CCPG1: variants seen among roughly 807,000 people sequenced by gnomAD.
The protein encoded by CCPG1 is cell cycle progression protein 1.
CCPG1 carries 46 observed loss-of-function variants against 81.3 expected under a neutral mutation model. The observed-to-expected ratio is 0.57, with a 90% CI of 0.45 to 0.72. The LOEUF (loss-of-function observed/expected upper bound fraction) is 0.72. CCPG1 is among the 30% of genes least tolerant of loss of function. The pLI is 0.00. For missense variants in CCPG1, 902 were observed against 937.6 expected, an observed-to-expected ratio of 0.96 and a Z score of 0.50; for synonymous variants, 330 against 305.2, an observed-to-expected ratio of 1.08 and a Z score of -0.85.
chr15:55,375,207 G>A (rs1443821079), intron 5 of CCPG1, among the ~76,000 whole-genome samples: 2 of 152,174 alleles, frequency 1.3e-5, no homozygotes, highest in Non-Finnish European at 2.9e-5. Flanking sequence ...AAGTTAATAT[G>A]TAATTTCTTT....
At position 55,372,229 on chromosome 15, in the gene CCPG1, A is replaced by G. The variant is rs565905342; in HGVS notation, c.455-185T>C. 2.0e-5 allele frequency: 12 copies of G among 599,672 alleles called. No individual in the cohort carries two copies. In the Admixed American group the frequency reaches 3.6e-4, roughly 18 times the overall value. The allele number at this position is 599,672 out of a possible 1,614,324, so 37.1% of individuals were successfully genotyped here. On this transcript the variant is annotated intron_variant, in intron 5 of 8. Transcript: ENST00000442196. ...CTCATCAACATAAAGCCAAAACATA[A>G]AGCATTTCAAATGTGATACACAAGA...
intron 3 of CCPG1, among the ~76,000 whole-genome samples, chr15:55,382,334 T>C (rs1234938679): frequency 6.6e-6 from 1 of 152,194 alleles, no homozygotes; most frequent in Non-Finnish European, 1.5e-5. Flanking sequence ...ATTAACTAAG[T>C]TTGTGTAATA....
chr15:55,361,889 T>C (rs572654204), intron 7 of CCPG1, among the ~76,000 whole-genome samples: 1 of 152,170 alleles, frequency 6.6e-6, no homozygotes, highest in African/African-American at 2.4e-5. Flanking sequence ...ATAAATTCTA[T>C]AACCATGTTA....
chr15:55,360,846 A>C lies in CCPG1; in HGVS notation c.927T>G (p.Tyr309Ter), dbSNP rs753885116. The change falls in exon 8 of 9, where the codon TAT becomes TAG. Residue 309 changes from tyrosine (Y) to a stop codon, truncating the protein, a stop_gained. Transcript: ENST00000442196. LOFTEE classifies it high-confidence loss of function. ...CTTCCTTCTCCAAGGATACTCTTAA[A>C]TACTGATTTTCTGTAGCAAGGTTCG... ...QKTNLATENQ[Y>*]LRVSLEKEEK... 6.2e-7 allele frequency: 1 copy of C among 1,610,348 alleles called. No individual in the cohort carries two copies. Among genetic ancestry groups the C allele is most frequent in the South Asian group, 1.1e-5 (1 of 89,824 alleles).
chr15:55,378,503 A>G, intron 3 of CCPG1, 127 bp from the exon 4 acceptor site: 1 of 539,766 alleles, frequency 1.9e-6, no homozygotes, highest in East Asian at 3.1e-5. Context: ...ATTTAATGAA[A>G]TGTCACATAC....
rs772623812 is a variant in CCPG1 at position 55,385,660 on chromosome 15, C to T, written c.115G>A (p.Ala39Thr). 2.5e-5 allele frequency: 41 copies of T among 1,612,052 alleles called. No individual in the cohort carries two copies. Among genetic ancestry groups the T allele is most frequent in the Middle Eastern group, 1.6e-4 (1 of 6,070 alleles). ...SVTPTDSCEP[A>T]PECSSLEQEE... ...TGCTCTAAAGATGAACATTCTGGGGCGGGCTCACAGCTGTCAGTGGGGGTC... is the reference window on the plus strand; with the variant it reads ...TGCTCTAAAGATGAACATTCTGGGGTGGGCTCACAGCTGTCAGTGGGGGTC... The change falls in exon 3 of 9, where the codon GCC becomes ACC. Residue 39 changes from alanine to threonine, a missense_variant. By Grantham distance (58) the Ala-to-Thr change is moderately conservative. Coordinates refer to ENST00000442196, the MANE Select transcript of CCPG1 (RefSeq NM_001204450.2).
In CCPG1 at chr15:55,389,990, C is replaced by A. The variant is rs541291579; in HGVS notation, c.-9-557G>T. ...ACCGGTTGGAGTGCGGTGGCACGAT[C>A]TCGACTTGCTGCAACCTCCGCCTCC... On this transcript the variant is annotated intron_variant, in intron 1 of 8. Coordinates refer to ENST00000442196, the MANE Select transcript of CCPG1 (RefSeq NM_001204450.2). Among the ~76,000 whole-genome samples the A allele has an allele frequency of 2.0e-5, 3 of 152,348 alleles. No homozygotes were observed. In the South Asian group the frequency reaches 6.2e-4, roughly 32 times the overall value.
At chr15:55,368,599 A>G (rs532384429) in intron 6 of CCPG1, among the ~76,000 whole-genome samples, 7 of 152,210 alleles carry the variant, frequency 4.6e-5, no homozygotes, top group Non-Finnish European at 7.3e-5. Context: ...TGATAGTCAC[A>G]AGCAAATGTA....
chr15:55,400,198 T>G (rs1284572833), intron 1 of CCPG1, among the ~76,000 whole-genome samples: 1 of 72,650 alleles, frequency 1.4e-5, no homozygotes, highest in Non-Finnish European at 2.2e-5. Flanking sequence ...CAAGATACTC[T>G]ACCTCAAAAA....
chr15:55,363,029 A>G (rs944701798), intron 7 of CCPG1, among the ~76,000 whole-genome samples: 9 of 148,418 alleles, frequency 6.1e-5, no homozygotes, highest in Non-Finnish European at 7.5e-5. Flanking sequence ...AATAAGAATG[A>G]AACCCTGTCT....
Position 55,377,030 on chromosome 15 carries a change from C to A in CCPG1, c.373G>T (p.Val125Phe). ...EEIGNQEVVI[V>F]EEAQSSEDFN... ...TCTTCTGAACTCTGTGCTTCTTCAA[C>A]AATGACAACTTCTTGATTTCCAATT... The change falls in exon 5 of 9, where the codon GTT (valine) becomes TTT (phenylalanine). Residue 125 changes from valine (V) to phenylalanine (F), a missense_variant. Physicochemically the swap from Val to Phe is conservative, Grantham distance 50. This residue lies in a region of CCPG1 where 746 missense variants were observed against 728.6 expected (regional missense o/e 1.02). Coordinates refer to ENST00000442196, the MANE Select transcript of CCPG1 (RefSeq NM_001204450.2). 3.1e-6 allele frequency: 5 copies of A among 1,613,912 alleles called. No individual in the cohort carries two copies. Among genetic ancestry groups the A allele is most frequent in the Non-Finnish European group, 4.2e-6 (5 of 1,179,926 alleles).
chr15:55,361,194 G>GTC (rs2056186697), intron 7 of CCPG1, among the ~76,000 whole-genome samples: 1 of 151,014 alleles, frequency 6.6e-6, no homozygotes, highest in African/African-American at 2.4e-5. Flanking sequence ...TTGAGATGGA[G>GTC]TCTCACTCTG....
Position 55,376,941 on chromosome 15 carries a change from A to T in CCPG1, c.454+8T>A, listed in dbSNP as rs764126380. The T allele has an allele frequency of 1.9e-6, 3 of 1,605,070 alleles. No homozygotes were observed. The African/African-American group carries it at 4.0e-5, about 21-fold the overall frequency. On this transcript the variant is annotated splice_region_variant and intron_variant, in intron 5 of 8. Transcript: ENST00000442196. ...ATGTCTTTAAGTCTCTTATCAGTGT[A>T]TTCTTACCAGTTTCTGGCTGACAGA...
At chr15:55,379,524 C>CTCAAAAAAAAG (rs2056636621) in intron 3 of CCPG1, among the ~76,000 whole-genome samples, 1 of 151,686 alleles carries the variant, frequency 6.6e-6, no homozygotes. Context: ...GTGACTATGT[C>CTCAAAAAAAAG]TCAAAAAAAA....
Position 55,376,931 on chromosome 15 carries a change from T to G in CCPG1, c.454+18A>C. 7 of 1,582,784 alleles carry G rather than the reference T, an allele frequency of 4.4e-6. No homozygotes were observed. The highest frequency in any genetic ancestry group is 6.1e-6 in the Non-Finnish European group (7 of 1,154,686). The stretch of plus-strand genomic sequence containing the variant: ...GTGGTCGTACATGTCTTTAAGTCTC[T>G]TATCAGTGTATTCTTACCAGTTTCT... On this transcript the variant is annotated intron_variant, in intron 5 of 8. Coordinates refer to ENST00000442196, the MANE Select transcript of CCPG1 (RefSeq NM_001204450.2).
Position 55,359,770 on chromosome 15 carries a change from A to G in CCPG1, c.2003T>C (p.Leu668Pro). Reference protein sequence around the residue: ...QIIQRYMLKELDTFCHWNELD... With the variant: ...QIIQRYMLKEPDTFCHWNELD... ...TTCGTTCCAGTGACAAAAAGTATCC[A>G]GTTCTTTTAACATGTACCTTTGAAT... Residue 668 changes from leucine to proline, a missense_variant, in exon 8 of 9, where the codon CTG (leucine) becomes CCG (proline). Around this residue, in one of 3 missense-constraint regions of CCPG1, gnomAD observed 746 missense variants for 728.6 expected, o/e 1.02. Coordinates refer to ENST00000442196, the MANE Select transcript of CCPG1 (RefSeq NM_001204450.2). 6.2e-7 allele frequency: 1 copy of G among 1,613,434 alleles called. No individual in the cohort carries two copies. Among genetic ancestry groups the G allele is most frequent in the Non-Finnish European group, 8.5e-7 (1 of 1,179,910 alleles).
At chr15:55,400,237 G>T (rs375225329) in intron 1 of CCPG1, among the ~76,000 whole-genome samples, 28 of 146,860 alleles carry the variant, frequency 1.9e-4, no homozygotes, top group African/African-American at 7.3e-4. Context: ...AAGGCCAGGG[G>T]TGGTGAGTCA....
At position 55,360,350 on chromosome 15, in the gene CCPG1, G is replaced by A. The variant is rs1020476831; in HGVS notation, c.1423C>T (p.His475Tyr). 1.9e-5 allele frequency: 30 copies of A among 1,613,494 alleles called. No homozygotes were observed. Among genetic ancestry groups the A allele is most frequent in the Non-Finnish European group, 2.5e-5 (30 of 1,179,944 alleles). ...DGKKKGGRGS[H>Y]RAKNKSKETF... ...TCCTTTGACTTATTTTTAGCCCTGT[G>A]GCTTCCTCTGCCCCCTTTCTTTTTT... The change falls in exon 8 of 9, where the codon CAC becomes TAC. Residue 475 changes from histidine (H) to tyrosine (Y), a missense_variant. This residue lies in a region of CCPG1 where 746 missense variants were observed against 728.6 expected (regional missense o/e 1.02). Coordinates refer to ENST00000442196, the MANE Select transcript of CCPG1 (RefSeq NM_001204450.2).
chr15:55,378,330 T>C lies in CCPG1; in HGVS notation c.222A>G (p.Pro74=), dbSNP rs747451901. ...TTGTTGAGCTGGTTTCCTCCAAAGC[T>C]GGATAAGCAGTTTCTTCCATAAGCA... is the stretch of plus-strand genomic sequence containing the variant. ...GTVLMEETAY[P]ALEETSSTIE... Residue 74 remains proline (P), a synonymous_variant, in exon 4 of 9, where the codon CCA becomes CCG. Coordinates refer to ENST00000442196, the MANE Select transcript of CCPG1 (RefSeq NM_001204450.2). 25 of 1,611,878 alleles carry C rather than the reference T, an allele frequency of 1.6e-5. No individual in the cohort carries two copies. The highest frequency in any genetic ancestry group is 5.0e-5 in the Admixed American group (3 of 59,898).
Sources: gnomAD v4.1 joint callset for allele counts (sites outside exome capture counted in the v4.1 genomes callset) on GRCh38, gnomAD v4.1.1 for gene constraint, gnomAD v4.1.1 regional missense constraint, MANE v1.5 for transcripts, NCBI Gene and HGNC (gene_info 2026-07-23, HGNC 2026-07-21) for gene names.